Variants in RPH3AL observed in about 807,000 individuals in gnomAD.
RPH3AL encodes the protein rab effector Noc2.
A neutral mutation model predicts 43.1 loss-of-function variants in RPH3AL; 38 were observed. The ratio of observed to expected loss-of-function variants is 0.88; its 90% CI spans 0.68 to 1.15. The LOEUF (loss-of-function observed/expected upper bound fraction) is 1.15, where lower values mean the gene tolerates loss of function less well. Among genes scored for constraint, RPH3AL ranks in the 50% most tolerant of loss-of-function variants. The pLI is 0.00. For synonymous variants in RPH3AL, 189 were observed against 176.3 expected (o/e 1.07, Z -0.57); for missense variants, 462 against 423.2 (o/e 1.09, Z -0.81).
chr17:320,836 G>A (rs912649073), intron 4 of RPH3AL, among the ~76,000 whole-genome samples: 5 of 152,250 alleles, frequency 3.3e-5, no homozygotes, highest in South Asian at 2.1e-4. Flanking sequence ...TGTGGTCGGC[G>A]CTGGAGGCGG....
At chr17:314,916 C>T in intron 5 of RPH3AL, among the ~76,000 whole-genome samples, 1 of 145,468 alleles carries the variant, frequency 6.9e-6, no homozygotes, top group African/African-American at 2.7e-5. Context: ...GACCAGTAGT[C>T]CCTGTGCCCC....
chr17:340,193 C>A (rs1253536795), intron 1 of RPH3AL, among the ~76,000 whole-genome samples: 1 of 152,066 alleles, frequency 6.6e-6, no homozygotes, highest in Non-Finnish European at 1.5e-5. Flanking sequence ...CAGACAGGCT[C>A]TCCAAAGGCC....
At chr17:231,454 G>C (rs531375779) in intron 7 of RPH3AL, among the ~76,000 whole-genome samples, 148 of 152,356 alleles carry the variant, frequency 9.7e-4, no homozygotes, top group Middle Eastern at 3.4e-3. Context: ...AGCCCCACGT[G>C]CAAGGCCAGG....
At chr17:260,812 C>T (rs1276108621) in intron 6 of RPH3AL, among the ~76,000 whole-genome samples, 1 of 152,154 alleles carries the variant, frequency 6.6e-6, no homozygotes, top group Admixed American at 6.5e-5. Flanking sequence ...CCTCACCTCT[C>T]ACCTCCCCCA....
intron 6 of RPH3AL, among the ~76,000 whole-genome samples, chr17:251,953 G>C (rs1555542720): frequency 2.0e-5 from 3 of 148,926 alleles, no homozygotes. Context: ...CACCCGCCTT[G>C]GAAGTTTTCT....
chr17:316,043 G>T (rs1272533454), intron 5 of RPH3AL, among the ~76,000 whole-genome samples: 177 of 141,490 alleles, frequency 1.3e-3, no homozygotes, highest in African/African-American at 4.9e-3. Flanking sequence ...TTGACCTGTA[G>T]TCCCTGTGAC....
intron 6 of RPH3AL, among the ~76,000 whole-genome samples, chr17:273,128 G>T (rs377662763): frequency 0.076 from 1,779 of 23,508 alleles, 152 homozygotes; most frequent in East Asian, 0.16. Flanking sequence ...CGAGGGTGAC[G>T]TCAGGGAGAG....
chr17:293,934 A>G (rs2043108406), intron 5 of RPH3AL, among the ~76,000 whole-genome samples: 1 of 152,112 alleles, frequency 6.6e-6, no homozygotes, highest in Non-Finnish European at 1.5e-5. Flanking sequence ...TGGCTGAGGT[A>G]GGAGAACTGC....
Position 333,028 on chromosome 17 carries a change from G to A in RPH3AL, c.-37+731C>T. 5 of 1,289,126 alleles carry A rather than the reference G, an allele frequency of 3.9e-6. No individual in the cohort carries two copies. The highest frequency in any genetic ancestry group is 5.1e-6 in the Non-Finnish European group (5 of 988,672). 79.9% of individuals were successfully genotyped at this position (1,289,126 alleles called of 1,614,324 possible). The stretch of plus-strand genomic sequence containing the variant: ...CAGCCCCAGGCAACTTCCTGAGACA[G>A]ATCGGTAAAAACAACCCCTTCTTCC... On this transcript the variant is annotated intron_variant, in intron 2 of 9. Coordinates refer to ENST00000331302, the MANE Select transcript of RPH3AL (RefSeq NM_006987.4). The surrounding 1 kb of genome is among the most constrained non-coding windows in gnomAD (Gnocchi z 4.5).
intron 7 of RPH3AL, among the ~76,000 whole-genome samples, chr17:236,875 G>A (rs2041408749): frequency 6.6e-6 from 1 of 152,272 alleles, no homozygotes; most frequent in Admixed American, 6.5e-5. Context: ...CATGCGCTGG[G>A]TTTTGGAAGC....
chr17:311,204 G>A (rs1044567604), intron 5 of RPH3AL, among the ~76,000 whole-genome samples: 2 of 152,174 alleles, frequency 1.3e-5, no homozygotes, highest in African/African-American at 4.8e-5. Flanking sequence ...CAGGATCTCA[G>A]CCTTGGAGGC....
Position 215,459 on chromosome 17 carries a change from T to G in RPH3AL, c.876+195A>C, listed in dbSNP as rs1333959648. Among the ~76,000 whole-genome samples the G allele has an allele frequency of 6.6e-6, 1 of 152,240 alleles. No homozygotes were observed. The highest frequency in any genetic ancestry group is 1.5e-5 in the Non-Finnish European group (1 of 68,042). ...GAGTGGCTAGGGATGGCTACCATTA[T>G]CATTCTGGGTCCCTCTCTCTGTTCC... On this transcript the variant is annotated intron_variant, in intron 9 of 9. Coordinates refer to ENST00000331302, the MANE Select transcript of RPH3AL (RefSeq NM_006987.4). This position sits in a 1 kb window ranked among gnomAD's most constrained non-coding sequence, Gnocchi z 4.1.
Position 302,212 on chromosome 17 carries a change from C to T in RPH3AL, c.351+17208G>A, listed in dbSNP as rs144159831. 4.4e-3 allele frequency among the ~76,000 whole-genome samples: 668 copies of T among 152,338 alleles called. 1 individual carries two copies. The highest frequency in any genetic ancestry group is 0.015 in the African/African-American group (625 of 41,576). On this transcript the variant is annotated intron_variant, in intron 5 of 9. Coordinates refer to ENST00000331302, the MANE Select transcript of RPH3AL (RefSeq NM_006987.4). Reference sequence around the variant, plus strand: ...GAGCCCGAGCTGCCTGGGAGGAAACCGCAGGCAGGCCCGAGAGAGTCTCTC... The same window carrying T: ...GAGCCCGAGCTGCCTGGGAGGAAACTGCAGGCAGGCCCGAGAGAGTCTCTC...
In RPH3AL at chr17:333,295, G is replaced by A; in HGVS notation, c.-37+464C>T. On this transcript the variant is annotated intron_variant, in intron 2 of 9. Coordinates refer to ENST00000331302, the MANE Select transcript of RPH3AL (RefSeq NM_006987.4). This position sits in a 1 kb window ranked among gnomAD's most constrained non-coding sequence, Gnocchi z 4.5. ...TGCAGCCTCACGTGGTCACTCCTGG[G>A]GGCGGTAGGATATTTTATCCTAAAG... 1 of 1,287,170 alleles carries A rather than the reference G, an allele frequency of 7.8e-7. No individual in the cohort carries two copies. 79.7% of individuals were successfully genotyped at this position (1,287,170 alleles called of 1,614,324 possible).
intron 6 of RPH3AL, among the ~76,000 whole-genome samples, chr17:248,738 T>G (rs2041822679): frequency 6.6e-6 from 1 of 152,244 alleles, no homozygotes; most frequent in Non-Finnish European, 1.5e-5. Context: ...AGCTTCCACA[T>G]GCTCGCTGTG....
rs762293596 is a variant in RPH3AL at position 321,387 on chromosome 17, A to G, written c.106T>C (p.Tyr36His). 6.2e-7 allele frequency: 1 copy of G among 1,610,650 alleles called. No homozygotes were observed. The highest frequency in any genetic ancestry group is 8.5e-7 in the Non-Finnish European group (1 of 1,179,878). ...TTCCTCCTCTGCTTCTCCGTCTGGT[A>G]GGTGTGCACGGACCAGCCCGTCTGC... is the stretch of plus-strand genomic sequence containing the variant. ...KLQTGWSVHT[Y>H]QTEKQRRKQH... Residue 36 changes from tyrosine to histidine, a missense_variant, in exon 4 of 10, where the codon TAC becomes CAC. Tyr to His is a moderately conservative substitution (Grantham distance 83, BLOSUM62 2). Coordinates refer to ENST00000331302, the MANE Select transcript of RPH3AL (RefSeq NM_006987.4).
intron 7 of RPH3AL, among the ~76,000 whole-genome samples, chr17:238,502 A>C (rs995238717): frequency 6.6e-6 from 1 of 152,182 alleles, no homozygotes; most frequent in African/African-American, 2.4e-5. Context: ...TTCCGCGCGT[A>C]GTGACTCCAG....
intron 7 of RPH3AL, among the ~76,000 whole-genome samples, chr17:242,884 A>ATTGATTACCCTTCCTCTATTGACTC (rs1567577051): frequency 1.0e-5 from 1 of 98,012 alleles, no homozygotes; most frequent in Non-Finnish European, 2.1e-5. Context: ...TCTATTGACT[A>ATTGATTACCCTTCCTCTATTGACTC]CCTTCCTCTA....
chr17:220,033 T>G (rs1425980670), intron 7 of RPH3AL, among the ~76,000 whole-genome samples: 1 of 152,126 alleles, frequency 6.6e-6, no homozygotes, highest in Non-Finnish European at 1.5e-5. Flanking sequence ...TTCTAGTTCC[T>G]CTAGTGGAAC....
Sources: allele counts gnomAD v4.1 joint callset (sites outside exome capture counted in the v4.1 genomes callset), GRCh38; gene constraint gnomAD v4.1.1; non-coding constraint Gnocchi (gnomAD v3.1); transcripts MANE v1.5; gene names NCBI Gene and HGNC (gene_info 2026-07-23, HGNC 2026-07-21).